Variants in ACAD10 observed in about 807,000 individuals in gnomAD.
The protein encoded by ACAD10 is acyl-CoA dehydrogenase family member 10.
A neutral mutation model predicts 116.8 loss-of-function variants in ACAD10; 112 were observed. The observed-to-expected ratio is 0.96, with a 90% confidence interval of 0.82 to 1.12. The LOEUF (loss-of-function observed/expected upper bound fraction) is 1.12. Ranked by LOEUF, ACAD10 falls within the 50% of genes most tolerant of loss-of-function variation. The pLI is 0.00. For synonymous variants in ACAD10, 486 were observed against 510.6 expected (o/e 0.95, Z 0.65); for missense variants, 1,259 against 1,350.2 (o/e 0.93, Z 1.06).
intron 10 of ACAD10, chr12:111,733,704 C>T (rs1889467267): frequency 1.7e-6 from 1 of 579,216 alleles, no homozygotes; most frequent in Non-Finnish European, 3.1e-6. Context: ...AATAAATAAC[C>T]AGGCCCTTTC....
At chr12:111,743,354 T>C (rs1889800602) in intron 12 of ACAD10, among the ~76,000 whole-genome samples, 2 of 150,986 alleles carry the variant, frequency 1.3e-5, no homozygotes. Flanking sequence ...AATTTCCAGA[T>C]GATGGAAATA....
At chr12:111,693,885 G>T (rs1320965558) in intron 2 of ACAD10, among the ~76,000 whole-genome samples, 1 of 152,162 alleles carries the variant, frequency 6.6e-6, no homozygotes, top group African/African-American at 2.4e-5. Context: ...GTGGTCTGGG[G>T]CACTGTGTGA....
chr12:111,714,010 C>T (rs982521537), intron 6 of ACAD10, among the ~76,000 whole-genome samples: 11 of 151,298 alleles, frequency 7.3e-5, no homozygotes, highest in Admixed American at 6.6e-5. Flanking sequence ...TTTGGGAGGC[C>T]GAGATGGGCG....
intron 16 of ACAD10, chr12:111,747,637 A>G: frequency 7.7e-7 from 1 of 1,302,608 alleles, no homozygotes; most frequent in Non-Finnish European, 9.8e-7. Flanking sequence ...CTCCCTGCAC[A>G]TGTGACCCCA....
At position 111,746,249 on chromosome 12, in the gene ACAD10, T is replaced by TG. The variant is rs1262869145; in HGVS notation, c.2222dup (p.Cys741TrpfsTer2). 2.5e-6 allele frequency: 4 copies of TG among 1,613,794 alleles called. No individual in the cohort carries two copies. The South Asian group carries it at 3.3e-5, about 13-fold the overall frequency. ...GACCAATGTGGAATATGCACATCTG[T>TG]GTGAGCTCATGGGCACGTCCCTGTA... On this transcript the variant is annotated frameshift_variant, in exon 14 of 21. Coordinates refer to ENST00000313698, the MANE Select transcript of ACAD10 (RefSeq NM_025247.6). LOFTEE classifies it high-confidence loss of function.
Position 111,717,151 on chromosome 12 carries a change from G to A in ACAD10, c.992+1189G>A, listed in dbSNP as rs79705554. Among the ~76,000 whole-genome samples the A allele has an allele frequency of 2.6e-5, 4 of 151,986 alleles. No individual in the cohort carries two copies. The East Asian group carries it at 5.8e-4, about 22-fold the overall frequency. ...AGGCAGATTTGCTTTGAGCTCAGGC[G>A]TTCGAGCCCAGCCTGGGCAACATGG... On this transcript the variant is annotated intron_variant, in intron 7 of 20. Transcript: ENST00000313698.
At chr12:111,726,073 G>T (rs888978244) in intron 8 of ACAD10, among the ~76,000 whole-genome samples, 6 of 151,948 alleles carry the variant, frequency 3.9e-5, no homozygotes, top group Non-Finnish European at 8.8e-5. Flanking sequence ...GGCCAACGTG[G>T]TGAAACCCCG....
chr12:111,705,123 T>TA (rs2135952239), intron 3 of ACAD10, among the ~76,000 whole-genome samples: 1 of 152,226 alleles, frequency 6.6e-6, no homozygotes, highest in East Asian at 1.9e-4. Context: ...AAAATTAAAT[T>TA]ACATATACTT....
intron 8 of ACAD10, among the ~76,000 whole-genome samples, chr12:111,722,932 G>A (rs1306555331): frequency 6.6e-6 from 1 of 151,924 alleles, no homozygotes; most frequent in Non-Finnish European, 1.5e-5. Flanking sequence ...TGGCCGGGCA[G>A]AGGGGCTCCT....
At chr12:111,710,237 A>G in intron 5 of ACAD10, 1 of 450,572 alleles carries the variant, frequency 2.2e-6, no homozygotes, top group Non-Finnish European at 4.4e-6. Flanking sequence ...AGAGGCATAC[A>G]CCACCACACC....
In ACAD10 at chr12:111,756,839, C is replaced by A. The variant is rs1566173406; in HGVS notation, c.*366C>A. On this transcript the variant is annotated 3_prime_UTR_variant, in exon 21 of 21. Transcript: ENST00000313698. ...ATCTGGACACATTTTGGGAGGCCTCCCAAGGCTGTGGGACGTGCTTGCTCT... is the reference window on the plus strand; with the variant it reads ...ATCTGGACACATTTTGGGAGGCCTCACAAGGCTGTGGGACGTGCTTGCTCT... 2.1e-6 allele frequency: 1 copy of A among 467,870 alleles called. No individual in the cohort carries two copies. Among genetic ancestry groups the A allele is most frequent in the East Asian group, 6.6e-5 (1 of 15,060 alleles). 29.0% of individuals were successfully genotyped at this position (467,870 alleles called of 1,614,324 possible).
At chr12:111,749,414 A>G (rs1305308558) in intron 18 of ACAD10, 69 bp downstream of exon 18, 2 of 1,545,522 alleles carry the variant, frequency 1.3e-6, no homozygotes, top group Admixed American at 1.9e-5. Flanking sequence ...TCGGACTTCA[A>G]TTCCTACCTG....
chr12:111,753,832 A>G lies in ACAD10; in HGVS notation c.2878A>G (p.Ile960Val), dbSNP rs749214496. Reference sequence around the variant, plus strand: ...GGAGCAGGGCACAGTGCTGGCGGACATCGCGCAGTCGCGCGTGGAGATTGA... The same window carrying G: ...GGAGCAGGGCACAGTGCTGGCGGACGTCGCGCAGTCGCGCGTGGAGATTGA... ...LVEQGTVLAD[I>V]AQSRVEIEQA... is the part of the protein sequence containing the mutation. Residue 960 changes from isoleucine to valine, a missense_variant, in exon 19 of 21, where the codon ATC becomes GTC. By Grantham distance (29) the Ile-to-Val change is conservative. Transcript: ENST00000313698. 4 of 1,614,040 alleles carry G rather than the reference A, an allele frequency of 2.5e-6. No homozygotes were observed. The highest frequency in any genetic ancestry group is 2.2e-5 in the East Asian group (1 of 44,886).
chr12:111,729,756 T>C (rs759444571), intron 9 of ACAD10, 50 bp from the exon 10 acceptor site: 3 of 1,595,078 alleles, frequency 1.9e-6, no homozygotes, highest in Non-Finnish European at 1.7e-6. Flanking sequence ...TTCCGCTACT[T>C]TCAGAGGTTG....
At chr12:111,755,306 A>C (rs1362979835) in intron 19 of ACAD10, among the ~76,000 whole-genome samples, 2 of 151,950 alleles carry the variant, frequency 1.3e-5, no homozygotes, top group Non-Finnish European at 2.9e-5. Flanking sequence ...GTTTCACTAT[A>C]TGTTGGCCAG....
rs767623621 is a variant in ACAD10, at chr12:111,744,794, C to T, written c.1866C>T (p.Ala622=). 2 of 1,614,236 alleles carry T rather than the reference C, an allele frequency of 1.2e-6. No individual in the cohort carries two copies. Among genetic ancestry groups the T allele is most frequent in the Non-Finnish European group, 1.7e-6 (2 of 1,180,044 alleles). Residue 622 remains alanine, a synonymous_variant, in exon 13 of 21, where the codon GCC becomes GCT. Coordinates refer to ENST00000313698, the MANE Select transcript of ACAD10 (RefSeq NM_025247.6). ...NPLTRSYHTW[A]RPQSQWCPTG... ...TAACAAGGTCCTACCACACGTGGGC[C>T]AGGCCCCAGTCCCAGTGGTGCCCCA...
intron 1 of ACAD10, among the ~76,000 whole-genome samples, chr12:111,691,702 TCTC>T (rs1888049238): frequency 6.6e-6 from 1 of 150,448 alleles, no homozygotes; most frequent in Middle Eastern, 3.5e-3. Flanking sequence ...TTCAAGCAAT[TCTC>T]CTACCTCAGC....
At chr12:111,700,432 AAGT>A (rs1707516479) in intron 2 of ACAD10, among the ~76,000 whole-genome samples, 1 of 152,164 alleles carries the variant, frequency 6.6e-6, no homozygotes, top group Non-Finnish European at 1.5e-5. Flanking sequence ...AAATTTCTGA[AAGT>A]AGAATTACTA....
At chr12:111,718,513 T>C (rs1262683610) in intron 7 of ACAD10, among the ~76,000 whole-genome samples, 1 of 152,104 alleles carries the variant, frequency 6.6e-6, no homozygotes, top group African/African-American at 2.4e-5. Flanking sequence ...GAGTTTTTGC[T>C]CTGTCACCCA....
Sources: allele counts gnomAD v4.1 joint callset (sites outside exome capture counted in the v4.1 genomes callset), GRCh38; gene constraint gnomAD v4.1.1; transcripts MANE v1.5; gene names NCBI Gene and HGNC (gene_info 2026-07-23, HGNC 2026-07-21).